Variants in ZNF407 observed in about 807,000 individuals in gnomAD.
ZNF407 encodes the protein zinc finger protein 407.
Under a neutral mutation model 131.2 loss-of-function variants are expected in ZNF407, and 17 were observed. The ratio of observed to expected loss-of-function variants is 0.13; its 90% CI spans 0.09 to 0.19. ZNF407 has a LOEUF of 0.19. ZNF407 is among the 10% of genes least tolerant of loss of function. The probability of loss-of-function intolerance (pLI) is 1.00; values close to 1 mark genes in which losing one functional copy is unlikely to be tolerated. For missense variants in ZNF407, 2,681 were observed against 2,830.6 expected (o/e 0.95, Z 1.20); for synonymous variants, 1,156 against 1,062.0 (o/e 1.09, Z -1.72).
intron 4 of ZNF407, among the ~76,000 whole-genome samples, chr18:74,841,131 A>G (rs1970627052): frequency 6.6e-6 from 1 of 152,104 alleles, no homozygotes; most frequent in African/African-American, 2.4e-5. Flanking sequence ...TACTATCTGG[A>G]TTATTGCTTT....
chr18:74,982,967 T>G (rs561683200), intron 8 of ZNF407, among the ~76,000 whole-genome samples: 3 of 152,174 alleles, frequency 2.0e-5, no homozygotes, highest in Non-Finnish European at 2.9e-5. Flanking sequence ...AAAAAAATTT[T>G]TTTCCTTTTA....
intron 8 of ZNF407, among the ~76,000 whole-genome samples, chr18:74,934,430 T>G (rs1224240151): frequency 6.6e-6 from 1 of 152,244 alleles, no homozygotes; most frequent in Non-Finnish European, 1.5e-5. Flanking sequence ...TGGCCAGGAA[T>G]AGATTTGAAC....
chr18:75,032,100 G>T lies in ZNF407; in HGVS notation c.5429-31050G>T, dbSNP rs188378073. 2.1e-3 allele frequency among the ~76,000 whole-genome samples: 327 copies of T among 152,234 alleles called. 2 individuals are homozygous for T. The highest frequency in any genetic ancestry group is 7.6e-3 in the African/African-American group (315 of 41,544). ...AGACCAGCGGAATCACACTCTAAAC[G>T]CCTGGACCCGAGAGCTCCCCCCACA... On this transcript the variant is annotated intron_variant, in intron 8 of 8. Coordinates refer to ENST00000299687, the MANE Select transcript of ZNF407 (RefSeq NM_017757.3).
intron 3 of ZNF407, among the ~76,000 whole-genome samples, chr18:74,690,778 A>G (rs1236291962): frequency 6.6e-6 from 1 of 152,204 alleles, no homozygotes; most frequent in Non-Finnish European, 1.5e-5. Flanking sequence ...TTGAGTACCC[A>G]ATCATATATT....
At chr18:74,739,673 G>T (rs1968503008) in intron 3 of ZNF407, among the ~76,000 whole-genome samples, 1 of 151,942 alleles carries the variant, frequency 6.6e-6, no homozygotes. Flanking sequence ...ACACTATGAA[G>T]GAGGATTTAT....
chr18:74,752,632 A>C (rs1968832772), intron 3 of ZNF407, among the ~76,000 whole-genome samples: 1 of 152,192 alleles, frequency 6.6e-6, no homozygotes, highest in African/African-American at 2.4e-5. Flanking sequence ...TAAATAGGGA[A>C]TCTTTTCCCC....
In ZNF407 at chr18:74,633,799, G is replaced by T; in HGVS notation, c.2780G>T (p.Ser927Ile). 3 of 1,613,936 alleles carry T rather than the reference G, an allele frequency of 1.9e-6. No individual in the cohort carries two copies. Among genetic ancestry groups the T allele is most frequent in the Non-Finnish European group, 2.5e-6 (3 of 1,179,884 alleles). ...ATCATTGTTGGCCCTGAAGGGGGTA[G>T]CCTTGAAGCTGGTAAAAAGAATGCT... ...SDIIVGPEGGSLEAGKKNAGS... is the reference protein window; with the variant it reads ...SDIIVGPEGGILEAGKKNAGS... Residue 927 changes from serine (S) to isoleucine (I), a missense_variant, in exon 2 of 9, where the codon AGC (serine) becomes ATC (isoleucine). Transcript: ENST00000299687.
intron 8 of ZNF407, among the ~76,000 whole-genome samples, chr18:74,938,383 A>G (rs1972061849): frequency 6.6e-6 from 1 of 152,150 alleles, no homozygotes. Context: ...TCCAGGTAGT[A>G]TTTATTAGAG....
At chr18:74,902,788 A>T (rs1475082894) in intron 7 of ZNF407, among the ~76,000 whole-genome samples, 1 of 152,238 alleles carries the variant, frequency 6.6e-6, no homozygotes, top group African/African-American at 2.4e-5. Flanking sequence ...AAAGCTAGAA[A>T]ACATTTTTTT....
At chr18:74,700,978 G>C (rs1224573924) in intron 3 of ZNF407, among the ~76,000 whole-genome samples, 1 of 152,180 alleles carries the variant, frequency 6.6e-6, no homozygotes, top group Non-Finnish European at 1.5e-5. Flanking sequence ...TTTGGAGATA[G>C]GGCCTATAGG....
chr18:74,814,370 C>T (rs1970239046), intron 4 of ZNF407, among the ~76,000 whole-genome samples: 2 of 152,180 alleles, frequency 1.3e-5, no homozygotes, highest in Admixed American at 1.3e-4. Flanking sequence ...AATGATCCTC[C>T]TGCCTCAGCC....
At position 74,987,695 on chromosome 18, in the gene ZNF407, G is replaced by GA. The variant is rs1032803003; in HGVS notation, c.5428+67013dup. Among the ~76,000 whole-genome samples, 359 of 145,804 alleles carry GA rather than the reference G, an allele frequency of 2.5e-3. 1 individual carries two copies. The highest frequency in any genetic ancestry group is 0.011 in the Middle Eastern group (3 of 274). Reference sequence around the variant, plus strand: ...GAAATTAAATTTTAAAGCAAAACTAGAAAAAAAAAACTGGATTAGAATAAT... The same window carrying GA: ...GAAATTAAATTTTAAAGCAAAACTAGAAAAAAAAAAACTGGATTAGAATAAT... On this transcript the variant is annotated intron_variant, in intron 8 of 8. Transcript: ENST00000299687.
chr18:74,895,185 T>C (rs1163345810), intron 7 of ZNF407, among the ~76,000 whole-genome samples: 1 of 152,052 alleles, frequency 6.6e-6, no homozygotes, highest in Non-Finnish European at 1.5e-5. Context: ...TAATGACTTC[T>C]ACAAAGTACT....
At chr18:74,813,108 G>T (rs905447035) in intron 4 of ZNF407, among the ~76,000 whole-genome samples, 1 of 152,196 alleles carries the variant, frequency 6.6e-6, no homozygotes, top group African/African-American at 2.4e-5. Flanking sequence ...TGACAAGAAG[G>T]ATGGCCCTTT....
intron 4 of ZNF407, chr18:74,804,628 G>A: frequency 1.0e-6 from 1 of 981,762 alleles, no homozygotes. Context: ...GATTACTATA[G>A]CCAGTCTCTA....
intron 6 of ZNF407, among the ~76,000 whole-genome samples, chr18:74,881,753 T>A (rs920089228): frequency 1.3e-5 from 2 of 152,372 alleles, no homozygotes; most frequent in Middle Eastern, 6.8e-3. Context: ...ATGTGCATTC[T>A]TGGTGATTCA....
At position 74,975,940 on chromosome 18, in the gene ZNF407, A is replaced by G. The variant is rs1473266416; in HGVS notation, c.5428+55248A>G. On this transcript the variant is annotated intron_variant, in intron 8 of 8. Transcript: ENST00000299687. The stretch of plus-strand genomic sequence containing the variant: ...GGTCATGACAGAGAGGTTTCTCCTC[A>G]TGCCAATTTATTGTCTCTCGTTCAG... Among the ~76,000 whole-genome samples the G allele has an allele frequency of 2.0e-5, 3 of 152,362 alleles. No homozygotes were observed. The South Asian group carries it at 6.2e-4, about 32-fold the overall frequency.
chr18:74,976,233 T>C (rs1972526952), intron 8 of ZNF407, among the ~76,000 whole-genome samples: 1 of 152,364 alleles, frequency 6.6e-6, no homozygotes, highest in Middle Eastern at 3.4e-3. Context: ...CTGTGATCAT[T>C]CACTGTTTTC....
chr18:74,913,554 C>A (rs1318694881), intron 7 of ZNF407, among the ~76,000 whole-genome samples: 1 of 152,086 alleles, frequency 6.6e-6, no homozygotes, highest in Non-Finnish European at 1.5e-5. Context: ...TAAGACATAT[C>A]TGTAGCTTGA....
Sources: gnomAD v4.1 joint callset for allele counts (sites outside exome capture counted in the v4.1 genomes callset) on GRCh38, gnomAD v4.1.1 for gene constraint, MANE v1.5 for transcripts, NCBI Gene and HGNC (gene_info 2026-07-23, HGNC 2026-07-21) for gene names.